TLCD4: variants seen among roughly 807,000 people sequenced by gnomAD.
TLCD4 encodes the protein TLC domain-containing protein 4.
In TLCD4, 7 loss-of-function variants were observed where a neutral mutation model predicts 24.2. The observed-to-expected ratio is 0.29, with a 90% CI of 0.16 to 0.54. TLCD4 has a LOEUF of 0.54. Ranked by LOEUF, TLCD4 falls within the 20% of genes least tolerant of loss-of-function variation. The pLI is 0.95. For synonymous variants in TLCD4, 103 were observed against 106.4 expected, an observed-to-expected ratio of 0.97 and a Z score of 0.20; for missense variants, 259 against 313.9, an observed-to-expected ratio of 0.82 and a Z score of 1.32.
upstream of TLCD4, among the ~76,000 whole-genome samples, chr1:95,114,767 A>C (rs1186348372): frequency 6.6e-6 from 1 of 151,968 alleles, no homozygotes; most frequent in Admixed American, 6.6e-5. Flanking sequence ...CGGAGGTTGC[A>C]GTGATCCGAG....
chr1:95,127,170 A>C (rs1053852126), intron 1 of TLCD4, among the ~76,000 whole-genome samples: 1 of 152,196 alleles, frequency 6.6e-6, no homozygotes, highest in Non-Finnish European at 1.5e-5. Context: ...CTTTGACTCT[A>C]GGTATCTCTC....
chr1:95,130,741 T>C (rs7517250), intron 1 of TLCD4, among the ~76,000 whole-genome samples: 149,382 of 152,324 alleles, frequency 0.98, 73,308 homozygotes, highest in East Asian at 1. Flanking sequence ...AATAAGTCAA[T>C]AAATCAGTAC....
At chr1:95,189,740 T>C (rs1678961089) in intron 6 of TLCD4, among the ~76,000 whole-genome samples, 1 of 152,266 alleles carries the variant, frequency 6.6e-6, no homozygotes, top group Admixed American at 6.5e-5. Flanking sequence ...TGCTAAGTAG[T>C]ATTCCAATGT....
chr1:95,174,153 G>A (rs1363298453), intron 6 of TLCD4: 3 of 471,454 alleles, frequency 6.4e-6, no homozygotes, highest in Non-Finnish European at 1.1e-5. Flanking sequence ...CCTGCTTCCA[G>A]CTCATTCTTT....
chr1:95,144,099 A>G (rs778101954), intron 2 of TLCD4, 43 bp downstream of exon 2: 138 of 1,332,310 alleles, frequency 1.0e-4, no homozygotes, highest in Non-Finnish European at 1.3e-4. Context: ...AAACTAGTTT[A>G]TGAGATAAAA....
chr1:95,119,525 G>T (rs1676514513), intron 1 of TLCD4, among the ~76,000 whole-genome samples: 1 of 152,172 alleles, frequency 6.6e-6, no homozygotes, highest in Non-Finnish European at 1.5e-5. Context: ...TTGAGAAATG[G>T]GAAAGGGGCT....
chr1:95,108,281 T>C, the TLCD4 span, among the ~76,000 whole-genome samples: 12,119 of 152,248 alleles, frequency 0.08, 517 homozygotes, highest in African/African-American at 0.11. Context: ...TTTATTAATC[T>C]TTTATGGCTT....
intron 6 of TLCD4, among the ~76,000 whole-genome samples, chr1:95,190,290 A>T (rs1426091861): frequency 6.6e-6 from 1 of 150,698 alleles, no homozygotes; most frequent in Non-Finnish European, 1.5e-5. Context: ...TTTAGTAGAG[A>T]TGGGGTTTCG....
chr1:95,148,680 T>C, intron 2 of TLCD4, 22 bp from the exon 3 acceptor site: 1 of 1,611,406 alleles, frequency 6.2e-7, no homozygotes, highest in Non-Finnish European at 8.5e-7. Context: ...AAAATCTTTG[T>C]GTGTATTTTG....
At chr1:95,134,210 C>T (rs1037803245) in intron 1 of TLCD4, among the ~76,000 whole-genome samples, 7 of 152,014 alleles carry the variant, frequency 4.6e-5, no homozygotes, top group African/African-American at 9.7e-5. Context: ...CTAGGAGATG[C>T]GAGCCAACAA....
rs1677559257 is a variant in TLCD4, at chr1:95,153,919, T to C, written c.399+2500T>C. 2.0e-5 allele frequency among the ~76,000 whole-genome samples: 3 copies of C among 152,050 alleles called. No individual in the cohort carries two copies. In the South Asian group the frequency reaches 6.2e-4, roughly 32 times the overall value. ...ATTCTGATGTTGGGACTAGGACCAA[T>C]GGGGTGGTAAAGAGAGGTAGGGGAG... is the stretch of plus-strand genomic sequence containing the variant. On this transcript the variant is annotated intron_variant, in intron 5 of 6. Coordinates refer to ENST00000370203, the MANE Select transcript of TLCD4 (RefSeq NM_152487.3).
Position 95,191,812 on chromosome 1 carries a change from T to A in TLCD4, c.736T>A (p.Ser246Thr). 1.2e-6 allele frequency: 2 copies of A among 1,614,170 alleles called. No homozygotes were observed. Among genetic ancestry groups the A allele is most frequent in the Non-Finnish European group, 1.7e-6 (2 of 1,180,034 alleles). ...TTCAAAAGGTTGCATCAAAGTCATCTCTCACATCAGACAAGAGAAAGCCAA... is the reference window on the plus strand; with the variant it reads ...TTCAAAAGGTTGCATCAAAGTCATCACTCACATCAGACAAGAGAAAGCCAA... Reference protein sequence around the residue: ...KISKGCIKVISHIRQEKAKNS... With the variant: ...KISKGCIKVITHIRQEKAKNS... The change falls in exon 7 of 7, where the codon TCT (serine) becomes ACT (threonine). Residue 246 changes from serine to threonine, a missense_variant. Coordinates refer to ENST00000370203, the MANE Select transcript of TLCD4 (RefSeq NM_152487.3).
rs1054909376 is a variant in TLCD4, at chr1:95,173,908, T to A, written c.473+19T>A. ...ATCAGCGGTATGTTACTGATATCATTGATTATTTTAAAGTCATGCTGTTTA... is the reference window on the plus strand; with the variant it reads ...ATCAGCGGTATGTTACTGATATCATAGATTATTTTAAAGTCATGCTGTTTA... On this transcript the variant is annotated intron_variant, in intron 6 of 6. Transcript: ENST00000370203. 1 of 1,613,372 alleles carries A rather than the reference T, an allele frequency of 6.2e-7. No individual in the cohort carries two copies. The highest frequency in any genetic ancestry group is 8.5e-7 in the Non-Finnish European group (1 of 1,179,914).
chr1:95,118,401 C>G (rs74568685), intron 1 of TLCD4, among the ~76,000 whole-genome samples: 7 of 151,966 alleles, frequency 4.6e-5, no homozygotes, highest in Admixed American at 2.6e-4. Flanking sequence ...TGTTGCTGGT[C>G]TGTATATTTT....
chr1:95,131,245 G>A (rs142015057), intron 1 of TLCD4, among the ~76,000 whole-genome samples: 34 of 152,278 alleles, frequency 2.2e-4, no homozygotes, highest in Admixed American at 2.0e-4. Flanking sequence ...CAGGTAATGG[G>A]GGAATTAACC....
intron 1 of TLCD4, among the ~76,000 whole-genome samples, chr1:95,129,656 A>C (rs1676834561): frequency 6.6e-6 from 1 of 152,128 alleles, no homozygotes; most frequent in Non-Finnish European, 1.5e-5. Context: ...ACACGAGAAT[A>C]GCTTGAACCT....
chr1:95,148,151 G>C (rs1451024421), intron 2 of TLCD4, among the ~76,000 whole-genome samples: 1 of 152,132 alleles, frequency 6.6e-6, no homozygotes, highest in Admixed American at 6.6e-5. Flanking sequence ...TTTGTTACAA[G>C]AATCAAGTGC....
At position 95,192,077 on chromosome 1, in the gene TLCD4, A is replaced by G. The variant is rs2101030053; in HGVS notation, c.*209A>G. The G allele has an allele frequency of 2.6e-6, 3 of 1,174,384 alleles. No homozygotes were observed. Among genetic ancestry groups the G allele is most frequent in the Non-Finnish European group, 3.4e-6 (3 of 891,140 alleles). The allele number at this position is 1,174,384 out of a possible 1,614,324, so 72.7% of individuals were successfully genotyped here. ...TTTGGGAGGCCAAGGTGGGTCGATCACTGAGGTCAGGAGTTCGAGACTAGC... is the reference window on the plus strand; with the variant it reads ...TTTGGGAGGCCAAGGTGGGTCGATCGCTGAGGTCAGGAGTTCGAGACTAGC... On this transcript the variant is annotated 3_prime_UTR_variant, in exon 7 of 7. Transcript: ENST00000370203.
intron 5 of TLCD4, among the ~76,000 whole-genome samples, chr1:95,169,233 A>C (rs571486139): frequency 6.6e-6 from 1 of 152,190 alleles, no homozygotes; most frequent in Non-Finnish European, 1.5e-5. Flanking sequence ...TGGAATATGC[A>C]TATCTAGCAA....
Sources: gnomAD v4.1 joint callset for allele counts (sites outside exome capture counted in the v4.1 genomes callset) on GRCh38, gnomAD v4.1.1 for gene constraint, MANE v1.5 for transcripts, NCBI Gene and HGNC (gene_info 2026-07-23, HGNC 2026-07-21) for gene names.